The following FBXL7 variants were observed in gnomAD, a reference collection of about 807,000 sequenced individuals.
FBXL7 encodes the protein F-box and leucine rich repeat protein 7, also known as F-box/LRR-repeat protein 7.
A neutral mutation model predicts 38.3 loss-of-function variants in FBXL7; 12 were observed. The ratio of observed to expected loss-of-function variants is 0.31; its 90% CI spans 0.20 to 0.51. FBXL7 has a LOEUF of 0.51. FBXL7 is among the 20% of genes least tolerant of loss of function. The probability of loss-of-function intolerance (pLI) is 0.98; values close to 1 mark genes in which losing one functional copy is unlikely to be tolerated. For synonymous variants in FBXL7, 297 were observed against 300.9 expected (o/e 0.99, Z 0.13); for missense variants, 567 against 676.4 (o/e 0.84, Z 1.79).
intron 1 of FBXL7, among the ~76,000 whole-genome samples, chr5:15,613,055 TC>T (rs1421119394): frequency 2.6e-5 from 4 of 152,230 alleles, no homozygotes; most frequent in Non-Finnish European, 5.9e-5. Flanking sequence ...TTTCTAGTTT[TC>T]CATTTGTGCA....
In FBXL7 at chr5:15,500,396, G is replaced by A; in HGVS notation, c.-281G>A. The stretch of plus-strand genomic sequence containing the variant: ...GTGAGCCTCTGGGCGGCCCCGGGGC[G>A]CGGGCTGTGCGCGGCGCTGCGCCCG... On this transcript the variant is annotated 5_prime_UTR_variant, in exon 1 of 4. Transcript: ENST00000504595. The A allele has an allele frequency of 4.0e-6, 1 of 253,014 alleles. No homozygotes were observed. Among genetic ancestry groups the A allele is most frequent in the Non-Finnish European group, 7.5e-6 (1 of 133,906 alleles). The allele number at this position is 253,014 out of a possible 1,614,324, so 15.7% of individuals were successfully genotyped here.
chr5:15,667,004 G>T (rs555314735), intron 2 of FBXL7, among the ~76,000 whole-genome samples: 22 of 152,228 alleles, frequency 1.4e-4, no homozygotes, highest in African/African-American at 5.1e-4. Context: ...AACCTTGTTT[G>T]TGGGATTACT....
At chr5:15,618,876 A>T (rs1215557759) in intron 2 of FBXL7, among the ~76,000 whole-genome samples, 1 of 152,194 alleles carries the variant, frequency 6.6e-6, no homozygotes, top group Non-Finnish European at 1.5e-5. Context: ...ATAAAACAGA[A>T]AAAGAAACCG....
At chr5:15,713,677 T>C (rs1018122744) in intron 2 of FBXL7, among the ~76,000 whole-genome samples, 33 of 152,326 alleles carry the variant, frequency 2.2e-4, no homozygotes, top group Non-Finnish European at 4.7e-4. Flanking sequence ...GATTTAAATC[T>C]TAATAAAATC....
rs1368759570 is a variant in FBXL7 at position 15,939,520 on chromosome 5, C to T, written c.*2334C>T. On this transcript the variant is annotated 3_prime_UTR_variant, in exon 4 of 4. Coordinates refer to ENST00000504595, the MANE Select transcript of FBXL7 (RefSeq NM_012304.5). ...GTCTTGCCAGTTTCTTCTTTTCTCC[C>T]AGTCTCCTGTTCATCCATTCTGTTC... 1 of 152,842 alleles carries T rather than the reference C, an allele frequency of 6.5e-6. No individual in the cohort carries two copies. Among genetic ancestry groups the T allele is most frequent in the Non-Finnish European group, 1.5e-5 (1 of 68,462 alleles). 9.5% of individuals were successfully genotyped at this position (152,842 alleles called of 1,614,324 possible). A position where few individuals can be genotyped will look rare whatever the true frequency, so the allele number is the denominator to read the frequency against.
chr5:15,868,102 CAAAAA>C (rs35879964), intron 2 of FBXL7, among the ~76,000 whole-genome samples: 3 of 59,948 alleles, frequency 5.0e-5, no homozygotes, highest in Non-Finnish European at 7.3e-5. Context: ...GACTCCGTCT[CAAAAA>C]AAAAAAAAAA....
At chr5:15,701,074 T>C (rs1743507753) in intron 2 of FBXL7, among the ~76,000 whole-genome samples, 1 of 152,200 alleles carries the variant, frequency 6.6e-6, no homozygotes, top group African/African-American at 2.4e-5. Context: ...TGTAATTCAA[T>C]GCAGAGGACA....
intron 1 of FBXL7, among the ~76,000 whole-genome samples, chr5:15,511,497 A>G (rs1312241879): frequency 6.6e-6 from 1 of 152,236 alleles, no homozygotes; most frequent in Non-Finnish European, 1.5e-5. Context: ...CTGAGAGTTT[A>G]TACCTCATAT....
chr5:15,652,958 G>A (rs115080057), intron 2 of FBXL7, among the ~76,000 whole-genome samples: 78 of 152,304 alleles, frequency 5.1e-4, no homozygotes, highest in African/African-American at 1.6e-3. Flanking sequence ...ATTACACATT[G>A]TATGCCTGTT....
intron 2 of FBXL7, among the ~76,000 whole-genome samples, chr5:15,620,875 C>T (rs764542016): frequency 1.3e-5 from 2 of 152,200 alleles, no homozygotes; most frequent in Admixed American, 6.5e-5. Context: ...GCTTTCCCTG[C>T]GTAGTCTCTC....
At chr5:15,788,302 C>T (rs533810407) in intron 2 of FBXL7, among the ~76,000 whole-genome samples, 3 of 152,190 alleles carry the variant, frequency 2.0e-5, no homozygotes, top group East Asian at 1.9e-4. Context: ...ACCACTTAGC[C>T]GGTTTATGTT....
intron 2 of FBXL7, among the ~76,000 whole-genome samples, chr5:15,711,295 C>T (rs1055650160): frequency 6.6e-6 from 1 of 152,194 alleles, no homozygotes; most frequent in Admixed American, 6.5e-5. Context: ...AGCTGCAACT[C>T]TTCAAGCTCG....
chr5:15,522,328 A>T (rs964025529), intron 1 of FBXL7, among the ~76,000 whole-genome samples: 11 of 152,010 alleles, frequency 7.2e-5, no homozygotes, highest in African/African-American at 2.7e-4. Context: ...TATGTATTTG[A>T]TGGGTGTTTC....
chr5:15,753,038 A>T (rs1484263089), intron 2 of FBXL7, among the ~76,000 whole-genome samples: 1 of 152,168 alleles, frequency 6.6e-6, no homozygotes, highest in Non-Finnish European at 1.5e-5. Flanking sequence ...TCGCCGCTGC[A>T]ATTCAAGAAG....
intron 2 of FBXL7, among the ~76,000 whole-genome samples, chr5:15,639,400 A>G (rs1231930383): frequency 6.6e-6 from 1 of 152,086 alleles, no homozygotes; most frequent in Admixed American, 6.6e-5. Flanking sequence ...TGCTGTTCTT[A>G]TGATAGTGAA....
chr5:15,870,718 A>G (rs1442235468), intron 2 of FBXL7, among the ~76,000 whole-genome samples: 1 of 152,226 alleles, frequency 6.6e-6, no homozygotes, highest in Non-Finnish European at 1.5e-5. Flanking sequence ...GGTGGAGCCC[A>G]CCACAGTGCC....
chr5:15,680,465 G>T (rs1742805489), intron 2 of FBXL7, among the ~76,000 whole-genome samples: 1 of 152,208 alleles, frequency 6.6e-6, no homozygotes, highest in South Asian at 2.1e-4. Flanking sequence ...TCACCTTCCT[G>T]ACTTATAACC....
chr5:15,703,168 A>G (rs918891678), intron 2 of FBXL7, among the ~76,000 whole-genome samples: 6 of 152,234 alleles, frequency 3.9e-5, no homozygotes, highest in Non-Finnish European at 8.8e-5. Flanking sequence ...ACAGTTACTT[A>G]CACAAATGCT....
At chr5:15,622,168 C>T (rs1162215475) in intron 2 of FBXL7, among the ~76,000 whole-genome samples, 2 of 152,056 alleles carry the variant, frequency 1.3e-5, no homozygotes, top group Non-Finnish European at 2.9e-5. Context: ...AATTGTTTCA[C>T]ATGGTGTATT....
Sources: allele counts gnomAD v4.1 joint callset (sites outside exome capture counted in the v4.1 genomes callset), GRCh38; gene constraint gnomAD v4.1.1; transcripts MANE v1.5; gene names NCBI Gene and HGNC (gene_info 2026-07-23, HGNC 2026-07-21).